Variants in TK2 observed in about 807,000 individuals in gnomAD.
TK2 encodes the protein thymidine kinase 2, mitochondrial.
In TK2, 35 loss-of-function variants were observed where a neutral mutation model predicts 41.9. That is an observed-to-expected ratio of 0.84 (90% CI 0.64 to 1.11). The LOEUF is 1.11. Ranked by LOEUF, TK2 falls within the 50% of genes least tolerant of loss-of-function variation. TK2 has a pLI of 0.00. For missense variants in TK2, 320 were observed against 351.1 expected (o/e 0.91, Z 0.71); for synonymous variants, 128 against 129.1 (o/e 0.99, Z 0.06).
chr16:66,549,863 G>C (rs1965733320), intron 1 of TK2, 75 bp downstream of exon 1: 1 of 1,288,532 alleles, frequency 7.8e-7, no homozygotes, highest in Non-Finnish European at 9.8e-7. Flanking sequence ...GCTCGGGCGG[G>C]TTCCGGAAGC....
chr16:66,536,674 G>A (rs1272702859), intron 4 of TK2, among the ~76,000 whole-genome samples: 1 of 152,144 alleles, frequency 6.6e-6, no homozygotes, highest in Non-Finnish European at 1.5e-5. Context: ...GGGAAGGCTG[G>A]AATGAGCAAC....
Position 66,517,376 on chromosome 16 carries a change from C to A in TK2, c.539-161G>T. 2 of 747,042 alleles carry A rather than the reference C, an allele frequency of 2.7e-6. No individual in the cohort carries two copies. Among genetic ancestry groups the A allele is most frequent in the Non-Finnish European group, 4.8e-6 (2 of 412,432 alleles). 46.3% of individuals were successfully genotyped at this position (747,042 alleles called of 1,614,324 possible). ...CTGACCCTCCGCCTCGACTTTCATT[C>A]TCTTTCAGTGTCAGCGGCCCCGTGG... On this transcript the variant is annotated intron_variant, in intron 7 of 9. Coordinates refer to ENST00000544898, the MANE Select transcript of TK2 (RefSeq NM_004614.5). The surrounding 1 kb of genome is among the most constrained non-coding windows in gnomAD (Gnocchi z 4.3).
chr16:66,549,580 A>C (rs1227990017), intron 1 of TK2: 31 of 1,089,796 alleles, frequency 2.8e-5, no homozygotes, highest in Non-Finnish European at 3.5e-5. Flanking sequence ...CTGGCACCAG[A>C]GTGTGAGCAG....
At position 66,550,007 on chromosome 16, in the gene TK2, G is replaced by A. The variant is rs551565600; in HGVS notation, c.55C>T (p.Pro19Ser). ...WAARALRCFG[P>S]GSRGSPASGP... is the part of the protein sequence containing the mutation. The stretch of plus-strand genomic sequence containing the variant: ...GAGGCCGGGCTCCCGCGACTTCCCG[G>A]CCCAAAGCAGCGCAGCGCCCGGGCG... The change falls in exon 1 of 10, where the codon CCG becomes TCG. Residue 19 changes from proline to serine, a missense_variant. Coordinates refer to ENST00000544898, the MANE Select transcript of TK2 (RefSeq NM_004614.5). 6.6e-5 allele frequency: 101 copies of A among 1,540,650 alleles called. 2 individuals are homozygous for A. The South Asian group carries it at 1.1e-3, about 17-fold the overall frequency.
intron 6 of TK2, among the ~76,000 whole-genome samples, chr16:66,525,979 G>A (rs1476800555): frequency 6.6e-6 from 1 of 152,224 alleles, no homozygotes; most frequent in African/African-American, 2.4e-5. Context: ...CAAGGCCCAT[G>A]TCATCTAGAC....
At chr16:66,527,242 G>A (rs946708052) in intron 6 of TK2, among the ~76,000 whole-genome samples, 2 of 152,290 alleles carry the variant, frequency 1.3e-5, no homozygotes, top group Admixed American at 6.5e-5. Flanking sequence ...GCAAAGCCAC[G>A]GCCAGGACTC....
chr16:66,537,073 G>A, intron 3 of TK2, 56 bp from the exon 4 acceptor site: 1 of 1,600,432 alleles, frequency 6.2e-7, no homozygotes, highest in Admixed American at 1.7e-5. Flanking sequence ...CCCTGTAAAA[G>A]TGTGTAAGTG....
intron 5 of TK2, among the ~76,000 whole-genome samples, chr16:66,529,740 C>T (rs577136570): frequency 1.3e-5 from 2 of 152,326 alleles, no homozygotes; most frequent in East Asian, 1.9e-4. Flanking sequence ...CCCACAGCAC[C>T]CATGGGACCT....
intron 6 of TK2, among the ~76,000 whole-genome samples, chr16:66,519,014 T>C (rs1964699353): frequency 6.6e-6 from 1 of 151,918 alleles, no homozygotes; most frequent in Admixed American, 6.6e-5. Context: ...CAGGCTGGAG[T>C]GCAGTAGTGT....
intron 6 of TK2, among the ~76,000 whole-genome samples, chr16:66,518,579 G>A (rs533460631): frequency 7.0e-4 from 106 of 152,288 alleles, no homozygotes; most frequent in African/African-American, 2.3e-3. Context: ...GATGCTCACC[G>A]CGGCACTGTT....
At chr16:66,548,735 A>T (rs978458774) in intron 2 of TK2, 9 of 515,572 alleles carry the variant, frequency 1.7e-5, no homozygotes, top group African/African-American at 1.3e-4. Context: ...TTAACAGCCC[A>T]AATCTACCTG....
Position 66,549,088 on chromosome 16 carries a change from A to T in TK2, c.125-79T>A, listed in dbSNP as rs1555528705. 35 of 1,601,404 alleles carry T rather than the reference A, an allele frequency of 2.2e-5. No individual in the cohort carries two copies. In the South Asian group the frequency reaches 3.3e-4, roughly 15 times the overall value. ...GCCCTAATTTGCTACATGACCACAA[A>T]AACACTAATGTTTATGCTCACTCCC... On this transcript the variant is annotated intron_variant, in intron 1 of 9. Transcript: ENST00000544898.
chr16:66,531,419 A>G lies in TK2; in HGVS notation c.336T>C (p.Tyr112=), dbSNP rs781710399. The change falls in exon 5 of 10, where the codon TAT becomes TAC. Residue 112 remains tyrosine, a synonymous_variant. Coordinates refer to ENST00000544898, the MANE Select transcript of TK2 (RefSeq NM_004614.5). ...GCCTGTCCAGCATGGTGAGCTGCACATAAGTCTGTAGCGTAAGACCCCAGC... is the reference window on the plus strand; with the variant it reads ...GCCTGTCCAGCATGGTGAGCTGCACGTAAGTCTGTAGCGTAAGACCCCAGC... ...ASRWGLTLQT[Y]VQLTMLDRHT... is the part of the protein sequence containing the mutation. 3 of 1,614,106 alleles carry G rather than the reference A, an allele frequency of 1.9e-6. No individual in the cohort carries two copies. Among genetic ancestry groups the G allele is most frequent in the South Asian group, 1.1e-5 (1 of 91,086 alleles).
intron 5 of TK2, among the ~76,000 whole-genome samples, chr16:66,529,343 C>G (rs1252911297): frequency 6.6e-6 from 1 of 152,248 alleles, no homozygotes; most frequent in Non-Finnish European, 1.5e-5. Context: ...GAGGGCTCAT[C>G]AGCAGCTGCC....
At position 66,511,195 on chromosome 16, in the gene TK2, G is replaced by C. The variant is rs975262215; in HGVS notation, c.*773C>G. 6.5e-6 allele frequency: 1 copy of C among 153,136 alleles called. No homozygotes were observed. The highest frequency in any genetic ancestry group is 1.5e-5 in the Non-Finnish European group (1 of 68,792). 9.5% of individuals were successfully genotyped at this position (153,136 alleles called of 1,614,324 possible). ...ACCAAGGAGACTGAGCACCCTTCAG[G>C]AGCCAGCATGTGAATCTCAATGTCC... On this transcript the variant is annotated 3_prime_UTR_variant, in exon 10 of 10. Coordinates refer to ENST00000544898, the MANE Select transcript of TK2 (RefSeq NM_004614.5).
chr16:66,542,923 A>C (rs1965500109), intron 2 of TK2, among the ~76,000 whole-genome samples: 1 of 152,166 alleles, frequency 6.6e-6, no homozygotes, highest in Non-Finnish European at 1.5e-5. Context: ...CCCAGGCTGG[A>C]GCACAGTGGC....
chr16:66,533,075 C>CTT (rs56331052), intron 4 of TK2, among the ~76,000 whole-genome samples: 112 of 141,942 alleles, frequency 7.9e-4, no homozygotes, highest in Admixed American at 8.5e-4. Context: ...TGATAAAAAT[C>CTT]TTTTTTTTTT....
chr16:66,531,950 G>C (rs533090476), intron 4 of TK2, among the ~76,000 whole-genome samples: 8 of 152,106 alleles, frequency 5.3e-5, no homozygotes, highest in Non-Finnish European at 1.2e-4. Context: ...TAGACACTGG[G>C]GACTCCTAGA....
intron 3 of TK2, among the ~76,000 whole-genome samples, chr16:66,538,828 G>T (rs1204647175): frequency 6.6e-6 from 1 of 152,178 alleles, no homozygotes; most frequent in African/African-American, 2.4e-5. Flanking sequence ...TCGTACCACA[G>T]AATCAAACAA....
Sources: gnomAD v4.1 joint callset for allele counts (sites outside exome capture counted in the v4.1 genomes callset) on GRCh38, gnomAD v4.1.1 for gene constraint, Gnocchi (gnomAD v3.1) non-coding constraint, MANE v1.5 for transcripts, NCBI Gene and HGNC (gene_info 2026-07-23, HGNC 2026-07-21) for gene names.